Variants in OR2L13 observed in about 807,000 individuals in gnomAD.
OR2L13 encodes olfactory receptor family 2 subfamily L member 13, also known as olfactory receptor 2L13.
Under a neutral mutation model 15.3 loss-of-function variants are expected in OR2L13, and 14 were observed. The observed-to-expected ratio is 0.91, with a 90% confidence interval of 0.60 to 1.43. The LOEUF is 1.43. Ranked by LOEUF, OR2L13 falls within the 40% of genes most tolerant of loss-of-function variation. OR2L13 has a pLI of 0.00. For missense variants in OR2L13, 367 were observed against 387.9 expected, an observed-to-expected ratio of 0.95 and a Z score of 0.45; for synonymous variants, 152 against 142.9, an observed-to-expected ratio of 1.06 and a Z score of -0.45.
At chr1:248,010,782 T>TTTTTTTTTTTTTC in the OR2L13 span, among the ~76,000 whole-genome samples, 3 of 140,522 alleles carry the variant, frequency 2.1e-5, no homozygotes, top group Admixed American at 7.1e-5. Flanking sequence ...TTTTTTTTTT[T>TTTTTTTTTTTTTC]TTTTTGCTTT....
At chr1:248,071,442 A>T in the OR2L13 span, among the ~76,000 whole-genome samples, 2 of 151,972 alleles carry the variant, frequency 1.3e-5, no homozygotes, top group South Asian at 2.1e-4. Flanking sequence ...CATGCTAAAA[A>T]CTCTCAATAA....
At chr1:247,951,004 G>A in the OR2L13 span, among the ~76,000 whole-genome samples, 32 of 152,058 alleles carry the variant, frequency 2.1e-4, no homozygotes, top group Non-Finnish European at 3.7e-4. Flanking sequence ...CACATTGTAC[G>A]TGTTTTTCAA....
At chr1:248,013,429 A>G in the OR2L13 span, among the ~76,000 whole-genome samples, 68 of 152,284 alleles carry the variant, frequency 4.5e-4, no homozygotes, top group African/African-American at 1.5e-3. Context: ...CCTTGGACTA[A>G]GGCCATCCTC....
chr1:247,993,749 G>GAC, the OR2L13 span, among the ~76,000 whole-genome samples: 33 of 133,232 alleles, frequency 2.5e-4, no homozygotes, highest in African/African-American at 8.3e-4. Context: ...AATGGAAAGA[G>GAC]ACAGAGAGAG....
the OR2L13 span, chr1:248,003,972 C>T: frequency 6.2e-7 from 1 of 1,614,028 alleles, no homozygotes; most frequent in East Asian, 2.2e-5. Context: ...ACCACCCTCA[C>T]CCCAATGCTC....
At chr1:247,994,738 G>A in the OR2L13 span, among the ~76,000 whole-genome samples, 1 of 152,006 alleles carries the variant, frequency 6.6e-6, no homozygotes, top group Non-Finnish European at 1.5e-5. Flanking sequence ...CTAAGACAGT[G>A]GGTTTTAAGT....
the OR2L13 span, among the ~76,000 whole-genome samples, chr1:247,956,469 A>T: frequency 1.3e-5 from 2 of 151,126 alleles, no homozygotes; most frequent in African/African-American, 4.8e-5. Context: ...AGTTTTTTCC[A>T]ATTCTGTGAA....
At chr1:247,995,984 C>T in the OR2L13 span, among the ~76,000 whole-genome samples, 3 of 152,168 alleles carry the variant, frequency 2.0e-5, no homozygotes, top group Non-Finnish European at 4.4e-5. Context: ...CTTCACCACT[C>T]GCTTCTCCAC....
the OR2L13 span, among the ~76,000 whole-genome samples, chr1:248,015,276 G>T: frequency 6.6e-6 from 1 of 152,136 alleles, no homozygotes; most frequent in African/African-American, 2.4e-5. Flanking sequence ...CTTCTTAGGA[G>T]AATCTATTGT....
At chr1:248,052,591 C>T in the OR2L13 span, among the ~76,000 whole-genome samples, 7 of 151,956 alleles carry the variant, frequency 4.6e-5, no homozygotes, top group East Asian at 1.9e-4. Context: ...ATTAGCTGGG[C>T]GTGGTGGCGG....
the OR2L13 span, chr1:248,023,333 A>T: frequency 6.6e-6 from 1 of 152,626 alleles, no homozygotes; most frequent in Non-Finnish European, 1.5e-5. Flanking sequence ...TTGCTAAAGT[A>T]ATGATTTATT....
chr1:247,967,089 C>A, the OR2L13 span, among the ~76,000 whole-genome samples: 19 of 118,554 alleles, frequency 1.6e-4, no homozygotes, highest in Non-Finnish European at 2.7e-4. Flanking sequence ...CGGGGCCACC[C>A]AGGCACTTCT....
the OR2L13 span, among the ~76,000 whole-genome samples, chr1:247,950,262 T>G: frequency 1.3e-5 from 2 of 152,204 alleles, no homozygotes; most frequent in African/African-American, 2.4e-5. Flanking sequence ...CCAGTTACTC[T>G]TTCTTTCAAT....
At chr1:248,029,297 A>G in the OR2L13 span, 325 of 152,330 alleles carry the variant, frequency 2.1e-3, 1 homozygote, top group African/African-American at 7.5e-3. Context: ...AACAATTTAA[A>G]TACATGTGGA....
the OR2L13 span, among the ~76,000 whole-genome samples, chr1:248,027,905 C>T: frequency 6.6e-6 from 1 of 152,048 alleles, no homozygotes; most frequent in Admixed American, 6.5e-5. Context: ...CTTTGGGAGG[C>T]TGAGGTGGGT....
chr1:248,083,905 C>G, the OR2L13 span: 1 of 1,611,482 alleles, frequency 6.2e-7, no homozygotes, highest in Non-Finnish European at 8.5e-7. Context: ...TTCTTGCGGG[C>G]TTCTGTAGAG....
At chr1:247,957,972 G>A in the OR2L13 span, among the ~76,000 whole-genome samples, 2 of 151,818 alleles carry the variant, frequency 1.3e-5, no homozygotes, top group African/African-American at 4.8e-5. Context: ...GTTATTTCTT[G>A]CCTTCTGCTA....
the OR2L13 span, among the ~76,000 whole-genome samples, chr1:248,067,864 G>T: frequency 6.6e-6 from 1 of 151,920 alleles, no homozygotes; most frequent in Non-Finnish European, 1.5e-5. Flanking sequence ...GGCTCGGAGG[G>T]TCCCACGCCC....
At chr1:248,073,049 A>C in the OR2L13 span, among the ~76,000 whole-genome samples, 4 of 151,620 alleles carry the variant, frequency 2.6e-5, no homozygotes, top group African/African-American at 4.9e-5. Flanking sequence ...TAGTTCAACC[A>C]TTGTGGAAGT....
Sources: allele counts gnomAD v4.1 joint callset (sites outside exome capture counted in the v4.1 genomes callset), GRCh38; gene constraint gnomAD v4.1.1; transcripts MANE v1.5; gene names NCBI Gene and HGNC (gene_info 2026-07-23, HGNC 2026-07-21).